The following RSRC1 variants were observed in gnomAD, a reference collection of about 807,000 sequenced individuals.
The protein encoded by RSRC1 is arginine and serine rich coiled-coil 1, also known as serine/Arginine-related protein 53.
In RSRC1, 39 loss-of-function variants were observed where a neutral mutation model predicts 49.1. The observed-to-expected ratio is 0.79, with a 90% CI of 0.61 to 1.04. RSRC1 has a LOEUF of 1.04. Among genes scored for constraint, RSRC1 ranks in the 50% least tolerant of loss-of-function variants. RSRC1 has a pLI of 0.00. For missense variants in RSRC1, 388 were observed against 402.4 expected, an observed-to-expected ratio of 0.96 and a Z score of 0.31; for synonymous variants, 143 against 130.8, an observed-to-expected ratio of 1.09 and a Z score of -0.63.
intron 4 of RSRC1, among the ~76,000 whole-genome samples, chr3:158,284,190 A>C (rs906338630): frequency 6.6e-6 from 1 of 151,546 alleles, no homozygotes; most frequent in Non-Finnish European, 1.5e-5. Context: ...ATGATTTCCA[A>C]TTTCATCCAT....
intron 6 of RSRC1, among the ~76,000 whole-genome samples, chr3:158,384,060 C>T (rs1025640973): frequency 1.3e-5 from 2 of 152,050 alleles, no homozygotes; most frequent in Admixed American, 6.6e-5. Context: ...GTAGCCTACT[C>T]TTTGTAGACT....
chr3:158,385,147 C>CA (rs1247951150), intron 6 of RSRC1, among the ~76,000 whole-genome samples: 2 of 152,238 alleles, frequency 1.3e-5, no homozygotes, highest in Non-Finnish European at 2.9e-5. Context: ...TTTTACATGA[C>CA]AGAGTACTTT....
At chr3:158,331,007 G>C (rs1456394577) in intron 5 of RSRC1, among the ~76,000 whole-genome samples, 1 of 152,084 alleles carries the variant, frequency 6.6e-6, no homozygotes, top group East Asian at 1.9e-4. Flanking sequence ...AGACGATACA[G>C]AGAGCATGTG....
At chr3:158,193,085 G>C (rs574049841) in intron 3 of RSRC1, among the ~76,000 whole-genome samples, 6 of 152,058 alleles carry the variant, frequency 3.9e-5, no homozygotes, top group African/African-American at 1.4e-4. Context: ...AATAACTTGT[G>C]TTGTTTCACA....
intron 6 of RSRC1, among the ~76,000 whole-genome samples, chr3:158,450,089 C>G (rs1217103627): frequency 1.3e-5 from 2 of 151,900 alleles, no homozygotes; most frequent in Admixed American, 6.6e-5. Flanking sequence ...TCCATTTCCC[C>G]TTGTAGTTCA....
At chr3:158,499,301 C>T (rs543907905) in intron 7 of RSRC1, among the ~76,000 whole-genome samples, 96 of 152,094 alleles carry the variant, frequency 6.3e-4, no homozygotes, top group South Asian at 3.9e-3. Flanking sequence ...GGTGTGAACC[C>T]GGGAGGTGGA....
intron 4 of RSRC1, among the ~76,000 whole-genome samples, chr3:158,215,267 A>C (rs535111462): frequency 2.1e-5 from 3 of 143,240 alleles, no homozygotes; most frequent in South Asian, 4.5e-4. Context: ...TTACATCATT[A>C]TATTTGAGAT....
chr3:158,446,568 T>A (rs71312241), intron 6 of RSRC1, among the ~76,000 whole-genome samples: 1 of 152,042 alleles, frequency 6.6e-6, no homozygotes, highest in Non-Finnish European at 1.5e-5. Flanking sequence ...TTATATATTG[T>A]GTTTCTTATT....
Position 158,138,425 on chromosome 3 carries a change from A to G in RSRC1, c.320+14434A>G, listed in dbSNP as rs188038688. Among the ~76,000 whole-genome samples the G allele has an allele frequency of 7.9e-5, 12 of 152,270 alleles. No individual in the cohort carries two copies. In the East Asian group the frequency reaches 2.3e-3, roughly 29 times the overall value. On this transcript the variant is annotated intron_variant, in intron 3 of 9. Coordinates refer to ENST00000611884, the MANE Select transcript of RSRC1 (RefSeq NM_001271838.2). ...AATTTCTTGCTATTTCTTGTGCCTC[A>G]TTTATGCAGCGTGACGGAAAGATTG...
intron 3 of RSRC1, among the ~76,000 whole-genome samples, chr3:158,190,945 C>T (rs1042160361): frequency 1.3e-5 from 2 of 151,912 alleles, no homozygotes; most frequent in African/African-American, 4.8e-5. Flanking sequence ...GAAATAGGGT[C>T]TTGCTCTGTC....
intron 4 of RSRC1, among the ~76,000 whole-genome samples, chr3:158,211,702 T>C (rs1721687734): frequency 6.6e-6 from 1 of 151,940 alleles, no homozygotes; most frequent in South Asian, 2.1e-4. Context: ...AAGTAACTTT[T>C]TTGAACTTTA....
At chr3:158,449,075 TATC>T (rs1325597702) in intron 6 of RSRC1, among the ~76,000 whole-genome samples, 4 of 151,922 alleles carry the variant, frequency 2.6e-5, no homozygotes, top group Admixed American at 2.6e-4. Context: ...CATTTTTCAA[TATC>T]ATCATTTATT....
intron 4 of RSRC1, among the ~76,000 whole-genome samples, chr3:158,278,525 A>G (rs1341429560): frequency 6.6e-6 from 1 of 152,200 alleles, no homozygotes; most frequent in East Asian, 1.9e-4. Context: ...GACTCCTCAA[A>G]TAAACAACTG....
At chr3:158,490,287 C>T (rs4680439) in intron 7 of RSRC1, among the ~76,000 whole-genome samples, 79,110 of 151,996 alleles carry the variant, frequency 0.52, 21,145 homozygotes, top group African/African-American at 0.64. Context: ...GGTTTCACCA[C>T]GTTAGCCAGG....
chr3:158,427,491 G>C (rs563219506), intron 6 of RSRC1, among the ~76,000 whole-genome samples: 109 of 151,766 alleles, frequency 7.2e-4, no homozygotes, highest in African/African-American at 2.5e-3. Flanking sequence ...AATTATATAA[G>C]TATAGCCAAA....
chr3:158,239,494 G>A (rs891190928), intron 4 of RSRC1, among the ~76,000 whole-genome samples: 3 of 151,702 alleles, frequency 2.0e-5, no homozygotes, highest in East Asian at 3.9e-4. Flanking sequence ...AAGAAAATGT[G>A]GCACATATAC....
intron 1 of RSRC1, among the ~76,000 whole-genome samples, chr3:158,115,116 A>T (rs766316846): frequency 2.6e-5 from 4 of 152,108 alleles, no homozygotes; most frequent in Admixed American, 6.5e-5. Flanking sequence ...CTCATTCCGT[A>T]TGATATTGGC....
intron 1 of RSRC1, among the ~76,000 whole-genome samples, chr3:158,117,054 A>G (rs1714882393): frequency 6.6e-6 from 1 of 152,174 alleles, no homozygotes; most frequent in Non-Finnish European, 1.5e-5. Context: ...TCGTAGCAGA[A>G]CAGTGATTTG....
intron 4 of RSRC1, among the ~76,000 whole-genome samples, chr3:158,277,085 CAA>C (rs1301159361): frequency 2.0e-5 from 3 of 152,066 alleles, no homozygotes; most frequent in East Asian, 1.9e-4. Context: ...AAATCTATAA[CAA>C]GAGAGAAAAT....
Sources: allele counts gnomAD v4.1 joint callset (sites outside exome capture counted in the v4.1 genomes callset), GRCh38; gene constraint gnomAD v4.1.1; transcripts MANE v1.5; gene names NCBI Gene and HGNC (gene_info 2026-07-23, HGNC 2026-07-21).